Variants in PTPRK observed in about 807,000 individuals in gnomAD.
PTPRK encodes receptor-type tyrosine-protein phosphatase kappa.
Under a neutral mutation model 178.0 loss-of-function variants are expected in PTPRK, and 75 were observed. The ratio of observed to expected loss-of-function variants is 0.42; its 90% CI spans 0.35 to 0.51. PTPRK has a LOEUF of 0.51. Ranked by LOEUF, PTPRK falls within the 20% of genes least tolerant of loss-of-function variation. PTPRK has a pLI of 0.02. For synonymous variants in PTPRK, 637 were observed against 620.6 expected, an observed-to-expected ratio of 1.03 and a Z score of -0.39; for missense variants, 1,441 against 1,797.8, an observed-to-expected ratio of 0.80 and a Z score of 3.59.
chr6:128,133,623 A>AT (rs1422505781), intron 7 of PTPRK, among the ~76,000 whole-genome samples: 2 of 152,142 alleles, frequency 1.3e-5, no homozygotes, highest in African/African-American at 2.4e-5. Flanking sequence ...TTAAAATTGG[A>AT]TTTTTTGTGT....
chr6:128,416,797 T>C (rs1456133242), intron 1 of PTPRK, among the ~76,000 whole-genome samples: 2 of 151,908 alleles, frequency 1.3e-5, no homozygotes, highest in Non-Finnish European at 2.9e-5. Flanking sequence ...ACAGGATAGA[T>C]TGCAGAAGGC....
rs1785006598 is a variant in PTPRK at position 128,082,558 on chromosome 6, G to A, written c.1656C>T (p.Asn552=). 2.5e-6 allele frequency: 4 copies of A among 1,612,422 alleles called. No individual in the cohort carries two copies. The highest frequency in any genetic ancestry group is 1.7e-6 in the Non-Finnish European group (2 of 1,178,648). The change falls in exon 10 of 30, where the codon AAC becomes AAT. Residue 552 remains asparagine, a synonymous_variant. Transcript: ENST00000368226. ...GPPQTVSNLW[N]STHHVFMHLH... is the part of the protein sequence containing the mutation. ...GATGCATAAAGACATGGTGTGTACT[G>A]TTCCATAAATTTGATACAGTCTGGG...
intron 16 of PTPRK, 83 bp from the exon 17 acceptor site, chr6:127,997,071 A>T (rs1410494638): frequency 4.3e-6 from 6 of 1,384,990 alleles, no homozygotes; most frequent in Non-Finnish European, 6.0e-6. Flanking sequence ...CCCAAATAGT[A>T]AAAACCACTT....
At chr6:128,092,979 T>C (rs1787241970) in intron 7 of PTPRK, among the ~76,000 whole-genome samples, 1 of 152,192 alleles carries the variant, frequency 6.6e-6, no homozygotes, top group Non-Finnish European at 1.5e-5. Flanking sequence ...CTATAAGTAT[T>C]AAATAACTTC....
chr6:128,210,596 G>A (rs1197311598), intron 6 of PTPRK, among the ~76,000 whole-genome samples: 1 of 152,088 alleles, frequency 6.6e-6, no homozygotes, highest in Non-Finnish European at 1.5e-5. Flanking sequence ...AGCTGGCTTT[G>A]CCTGCTGTGG....
chr6:128,482,815 G>A (rs963109753), intron 1 of PTPRK, among the ~76,000 whole-genome samples: 6 of 152,166 alleles, frequency 3.9e-5, no homozygotes, highest in African/African-American at 1.4e-4. Flanking sequence ...GAATTCTTCT[G>A]ACAGGAGGGA....
intron 1 of PTPRK, among the ~76,000 whole-genome samples, chr6:128,428,500 T>G (rs531217320): frequency 4.9e-4 from 74 of 152,276 alleles, no homozygotes; most frequent in African/African-American, 1.7e-3. Flanking sequence ...GCAATGGCAG[T>G]TAGATCTAGG....
rs1172289838 is a variant in PTPRK, at chr6:128,464,600, A to AAT, written c.100+55657_100+55658dup. ...CATCTAAAGCCTTTATTTTAGTTTA[A>AAT]ATATATATATATACATATACATATA... On this transcript the variant is annotated intron_variant, in intron 1 of 29. Transcript: ENST00000368226. Among the ~76,000 whole-genome samples the AAT allele has an allele frequency of 5.7e-3, 672 of 118,620 alleles. 12 individuals are homozygous for AAT. The highest frequency in any genetic ancestry group is 0.018 in the African/African-American group (582 of 31,920). 77.8% of individuals were successfully genotyped at this position (118,620 alleles called of 152,430 possible). A position where few individuals can be genotyped will look rare whatever the true frequency, so the allele number is the denominator to read the frequency against.
intron 13 of PTPRK, among the ~76,000 whole-genome samples, chr6:128,044,416 C>T (rs1777705054): frequency 6.6e-6 from 1 of 152,086 alleles, no homozygotes; most frequent in African/African-American, 2.4e-5. Context: ...ATCTCTTCTC[C>T]ATGGAGTATC....
chr6:128,119,918 TACA>T (rs1174904815), intron 7 of PTPRK, among the ~76,000 whole-genome samples: 2 of 152,020 alleles, frequency 1.3e-5, no homozygotes, highest in South Asian at 2.1e-4. Context: ...CTTTGGTTCC[TACA>T]ACAACCACAC....
chr6:128,517,029 T>C (rs934966559), intron 1 of PTPRK, among the ~76,000 whole-genome samples: 1 of 151,218 alleles, frequency 6.6e-6, no homozygotes, highest in African/African-American at 2.4e-5. Flanking sequence ...TAACAATAAC[T>C]ATGTTAAACA....
At chr6:128,381,908 A>G (rs2128356926) in intron 2 of PTPRK, among the ~76,000 whole-genome samples, 1 of 152,194 alleles carries the variant, frequency 6.6e-6, no homozygotes, top group Non-Finnish European at 1.5e-5. Context: ...ATTTCAGGCC[A>G]GGCATGGTGG....
chr6:128,178,703 A>C (rs200133131), intron 7 of PTPRK, among the ~76,000 whole-genome samples: 28 of 130,318 alleles, frequency 2.1e-4, no homozygotes, highest in African/African-American at 8.6e-4. Flanking sequence ...ATCTATCTAT[A>C]TGCATGTTTT....
chr6:128,241,781 CTTTTTTTTT>C (rs930513368), intron 4 of PTPRK, among the ~76,000 whole-genome samples: 3 of 132,160 alleles, frequency 2.3e-5, no homozygotes, highest in Non-Finnish European at 3.2e-5. Flanking sequence ...TGTTTGCTTT[CTTTTTTTTT>C]TTTTTTTTGA....
intron 13 of PTPRK, among the ~76,000 whole-genome samples, chr6:128,012,079 T>C (rs1779120814): frequency 6.6e-6 from 1 of 151,264 alleles, no homozygotes; most frequent in Non-Finnish European, 1.5e-5. Context: ...TAAACTTAAG[T>C]ATAGAAGTCT....
intron 1 of PTPRK, among the ~76,000 whole-genome samples, chr6:128,483,119 T>C (rs1852314362): frequency 6.6e-6 from 1 of 152,168 alleles, no homozygotes; most frequent in South Asian, 2.1e-4. Flanking sequence ...ATTTATCTAT[T>C]TATTTTCAAA....
chr6:128,307,970 C>T (rs1826682342), intron 3 of PTPRK, among the ~76,000 whole-genome samples: 2 of 152,068 alleles, frequency 1.3e-5, no homozygotes, highest in Non-Finnish European at 2.9e-5. Flanking sequence ...TACATGAATG[C>T]TCATAACAAC....
chr6:128,176,047 G>A (rs1801017755), intron 7 of PTPRK, among the ~76,000 whole-genome samples: 1 of 151,846 alleles, frequency 6.6e-6, no homozygotes, highest in African/African-American at 2.4e-5. Flanking sequence ...AAGCAGGAAA[G>A]AGGACTCTGG....
chr6:128,204,256 C>T lies in PTPRK; in HGVS notation c.868+14666G>A, dbSNP rs117312026. Among the ~76,000 whole-genome samples, 946 of 152,222 alleles carry T rather than the reference C, an allele frequency of 6.2e-3. 9 individuals are homozygous for T. The highest frequency in any genetic ancestry group is 9.4e-3 in the Non-Finnish European group (636 of 68,008). On this transcript the variant is annotated intron_variant, in intron 6 of 29. Transcript: ENST00000368226. Reference sequence around the variant, plus strand: ...TTGAAACTGGACCCCTTCCTTAAAACATATACAAAAATTAACCCAAGATGA... The same window carrying T: ...TTGAAACTGGACCCCTTCCTTAAAATATATACAAAAATTAACCCAAGATGA...
Sources: gnomAD v4.1 joint callset for allele counts (sites outside exome capture counted in the v4.1 genomes callset) on GRCh38, gnomAD v4.1.1 for gene constraint, MANE v1.5 for transcripts, NCBI Gene and HGNC (gene_info 2026-07-23, HGNC 2026-07-21) for gene names.